ZMYND8: variants seen among roughly 807,000 people sequenced by gnomAD.
The protein encoded by ZMYND8 is MYND-type zinc finger-containing chromatin reader ZMYND8.
ZMYND8 carries 37 observed loss-of-function variants against 140.8 expected under a neutral mutation model. The observed-to-expected ratio is 0.26, with a 90% CI of 0.20 to 0.35. ZMYND8 has a LOEUF of 0.35. Among genes scored for constraint, ZMYND8 ranks in the 10% least tolerant of loss-of-function variants. The probability of loss-of-function intolerance (pLI) is 1.00; values close to 1 mark genes in which losing one functional copy is unlikely to be tolerated. For missense variants in ZMYND8, 1,068 were observed against 1,570.0 expected, an observed-to-expected ratio of 0.68 and a Z score of 5.40; for synonymous variants, 592 against 597.1, an observed-to-expected ratio of 0.99 and a Z score of 0.12.
At chr20:47,212,616 C>G (rs2035446379) in intron 22 of ZMYND8, 26 bp downstream of exon 22, 1 of 1,613,010 alleles carries the variant, frequency 6.2e-7, no homozygotes, top group Non-Finnish European at 8.5e-7. Flanking sequence ...GCCCCGGCAG[C>G]TTTCGTAAGA....
chr20:47,338,621 G>A (rs2148512859), intron 2 of ZMYND8, among the ~76,000 whole-genome samples: 1 of 152,192 alleles, frequency 6.6e-6, no homozygotes, highest in South Asian at 2.1e-4. Flanking sequence ...AAGCCAAGTG[G>A]CTCCGGCAGA....
chr20:47,228,116 T>A (rs2037958561), intron 17 of ZMYND8, among the ~76,000 whole-genome samples: 1 of 151,782 alleles, frequency 6.6e-6, no homozygotes, highest in African/African-American at 2.4e-5. Flanking sequence ...AAATTTAATT[T>A]AAAAAATAAT....
rs545649420 is a variant in ZMYND8 at position 47,338,996 on chromosome 20, A to G, written c.85+8860T>C. 3.1e-3 allele frequency among the ~76,000 whole-genome samples: 457 copies of G among 147,002 alleles called. 3 individuals carry two copies. The highest frequency in any genetic ancestry group is 0.011 in the African/African-American group (448 of 39,558). On this transcript the variant is annotated intron_variant, in intron 2 of 22. Transcript: ENST00000471951. ...CTTTTTTTTTTTTTTTTTGTGAGAC[A>G]GAGTCTCGCTCTGTCACCCAGGCTG...
chr20:47,350,446 G>C (rs942012994), intron 1 of ZMYND8, among the ~76,000 whole-genome samples: 13 of 150,938 alleles, frequency 8.6e-5, no homozygotes, highest in African/African-American at 3.2e-4. Flanking sequence ...CACTGATTTC[G>C]GTTTTTTTGT....
At chr20:47,325,832 AGGCTGGAGTGCAAT>A (rs1166457423) in intron 2 of ZMYND8, among the ~76,000 whole-genome samples, 1 of 151,890 alleles carries the variant, frequency 6.6e-6, no homozygotes, top group Non-Finnish European at 1.5e-5. Flanking sequence ...CTTGTTGCCC[AGGCTGGAGTGCAAT>A]GGCACAATCT....
intron 17 of ZMYND8, among the ~76,000 whole-genome samples, chr20:47,228,760 GTCAA>G (rs1279762076): frequency 1.3e-5 from 2 of 152,064 alleles, no homozygotes; most frequent in Non-Finnish European, 2.9e-5. Context: ...GTCCTAAAAG[GTCAA>G]TAGCTCTGCA....
chr20:47,348,959 G>A (rs550314277), intron 1 of ZMYND8: 5 of 152,192 alleles, frequency 3.3e-5, no homozygotes, highest in Non-Finnish European at 7.3e-5. Flanking sequence ...GAAGAAATGG[G>A]TGCATCACCA....
chr20:47,230,426 G>A (rs1310081114), intron 16 of ZMYND8, among the ~76,000 whole-genome samples: 1 of 152,044 alleles, frequency 6.6e-6, no homozygotes, highest in African/African-American at 2.4e-5. Context: ...AAGTAGTTGG[G>A]ATTACAAGCG....
At chr20:47,245,332 C>T (rs990677356) in intron 14 of ZMYND8, among the ~76,000 whole-genome samples, 4 of 152,082 alleles carry the variant, frequency 2.6e-5, no homozygotes, top group Non-Finnish European at 5.9e-5. Flanking sequence ...CTGCAACCTC[C>T]GCCTCCTGGG....
chr20:47,287,679 G>A (rs2077007210), intron 7 of ZMYND8, among the ~76,000 whole-genome samples: 1 of 152,150 alleles, frequency 6.6e-6, no homozygotes, highest in East Asian at 1.9e-4. Flanking sequence ...GCTCTGGTGT[G>A]GCTAGTGCTT....
intron 11 of ZMYND8, 36 bp from the exon 12 acceptor site, chr20:47,262,464 C>T (rs758614759): frequency 1.9e-6 from 3 of 1,612,430 alleles, no homozygotes; most frequent in Non-Finnish European, 1.7e-6. Flanking sequence ...GACAGGTTTA[C>T]AAATAAACAA....
intron 2 of ZMYND8, among the ~76,000 whole-genome samples, chr20:47,316,155 A>ACCC (rs1358918349): frequency 1.3e-5 from 2 of 151,748 alleles, no homozygotes. Context: ...ACATGGTGAA[A>ACCC]CCCCGTCTCT....
intron 14 of ZMYND8, 125 bp downstream of exon 14, chr20:47,245,883 G>T (rs1166347245): frequency 7.3e-7 from 1 of 1,363,184 alleles, no homozygotes; most frequent in Non-Finnish European, 9.9e-7. Context: ...CTCTCTCTCA[G>T]TGTGTTAGAG....
At chr20:47,221,200 T>C in intron 20 of ZMYND8, 114 bp downstream of exon 20, 1 of 1,418,902 alleles carries the variant, frequency 7.0e-7, no homozygotes, top group Non-Finnish European at 9.5e-7. Context: ...GCCGGCACAC[T>C]GTTAGGACAA....
intron 5 of ZMYND8, 69 bp downstream of exon 5, chr20:47,294,597 C>T (rs1022075788): frequency 8.2e-6 from 12 of 1,462,600 alleles, no homozygotes; most frequent in African/African-American, 1.4e-5. Flanking sequence ...AAAAGCTAAG[C>T]TATTAACAGA....
intron 16 of ZMYND8, among the ~76,000 whole-genome samples, chr20:47,234,088 G>C (rs2038901242): frequency 6.6e-6 from 1 of 152,182 alleles, no homozygotes; most frequent in Admixed American, 6.5e-5. Context: ...TCGCTTTGTA[G>C]CCCAGGCTGG....
chr20:47,311,175 C>T (rs1433869793), intron 2 of ZMYND8, among the ~76,000 whole-genome samples: 4 of 152,164 alleles, frequency 2.6e-5, no homozygotes, highest in Non-Finnish European at 5.9e-5. Flanking sequence ...GGGAAGTTCC[C>T]GTGCTCCCAC....
At chr20:47,336,508 CAG>C (rs772936851) in intron 2 of ZMYND8, among the ~76,000 whole-genome samples, 4 of 152,206 alleles carry the variant, frequency 2.6e-5, no homozygotes, top group Admixed American at 6.5e-5. Context: ...GCAGCCCAAA[CAG>C]GGGAGCCTTT....
chr20:47,334,425 T>G (rs1341259017), intron 2 of ZMYND8, among the ~76,000 whole-genome samples: 1 of 151,936 alleles, frequency 6.6e-6, no homozygotes, highest in East Asian at 1.9e-4. Context: ...ATGATTCCAT[T>G]TATATGAAAT....
Sources: allele counts gnomAD v4.1 joint callset (sites outside exome capture counted in the v4.1 genomes callset), GRCh38; gene constraint gnomAD v4.1.1; transcripts MANE v1.5; gene names NCBI Gene and HGNC (gene_info 2026-07-23, HGNC 2026-07-21).